Variants in SNX24 observed in about 807,000 individuals in gnomAD.
SNX24 encodes sorting nexin 24, also known as sorting nexin-24.
SNX24 carries 22 observed loss-of-function variants against 28.7 expected under a neutral mutation model. That is an observed-to-expected ratio of 0.77 (90% CI 0.55 to 1.10). The LOEUF (loss-of-function observed/expected upper bound fraction) is 1.10. Ranked by LOEUF, SNX24 falls within the 50% of genes least tolerant of loss-of-function variation. The pLI is 0.00. For synonymous variants in SNX24, 69 were observed against 71.5 expected (o/e 0.96, Z 0.18); for missense variants, 221 against 201.1 (o/e 1.10, Z -0.60).
chr5:122,955,163 CCTTAA>C (rs1207501527), intron 3 of SNX24, among the ~76,000 whole-genome samples: 2 of 151,838 alleles, frequency 1.3e-5, no homozygotes, highest in Admixed American at 6.6e-5. Flanking sequence ...ACTGTTGAAC[CCTTAA>C]CTTAAGGTTT....
At chr5:122,877,573 C>T (rs1449432730) in intron 1 of SNX24, among the ~76,000 whole-genome samples, 1 of 152,144 alleles carries the variant, frequency 6.6e-6, no homozygotes, top group East Asian at 1.9e-4. Flanking sequence ...AGTATCCTCT[C>T]TCTCATCTCT....
intron 3 of SNX24, among the ~76,000 whole-genome samples, chr5:122,960,509 A>C (rs1248625591): frequency 2.0e-5 from 3 of 152,180 alleles, no homozygotes; most frequent in African/African-American, 4.8e-5. Flanking sequence ...TAAAATTTCT[A>C]TTTTATGGCC....
intron 1 of SNX24, among the ~76,000 whole-genome samples, chr5:122,884,951 T>C (rs759199610): frequency 6.6e-6 from 1 of 152,214 alleles, no homozygotes; most frequent in Non-Finnish European, 1.5e-5. Flanking sequence ...TTGTACCAAA[T>C]TGGCACGTGT....
chr5:123,009,596 A>G (rs1298630163), downstream of SNX24, among the ~76,000 whole-genome samples: 1 of 152,248 alleles, frequency 6.6e-6, no homozygotes, highest in Admixed American at 6.5e-5. Context: ...ACACCTCACA[A>G]GAGTGGGAAA....
chr5:122,925,215 C>T (rs1463042962), intron 1 of SNX24, among the ~76,000 whole-genome samples: 1 of 89,462 alleles, frequency 1.1e-5, no homozygotes, highest in Non-Finnish European at 2.2e-5. Flanking sequence ...TATTTCCTTC[C>T]CCTCCCCCTT....
intron 1 of SNX24, among the ~76,000 whole-genome samples, chr5:122,897,305 CT>C (rs966718760): frequency 1.3e-5 from 2 of 151,886 alleles, no homozygotes; most frequent in African/African-American, 2.4e-5. Context: ...TATACCACTT[CT>C]TTTTTTTATT....
At chr5:122,912,013 A>T (rs1581737454) in intron 1 of SNX24, among the ~76,000 whole-genome samples, 4 of 123,638 alleles carry the variant, frequency 3.2e-5, no homozygotes, top group Admixed American at 1.8e-4. Context: ...GAAGAAAGTC[A>T]TTGGTAGCTT....
Position 122,933,731 on chromosome 5 carries a change from G to GTTGT in SNX24, c.61-2988_61-2985dup, listed in dbSNP as rs773540677. Among the ~76,000 whole-genome samples the GTTGT allele has an allele frequency of 2.6e-3, 392 of 151,856 alleles. 2 individuals carry two copies. The highest frequency in any genetic ancestry group is 8.8e-3 in the African/African-American group (365 of 41,392). ...ACCTTAAAGTGTGTGGGGTTTTTTT[G>GTTGT]TTGTTTGTTTGTTTGTTTTTCAATA... On this transcript the variant is annotated intron_variant, in intron 1 of 6. Coordinates refer to ENST00000261369, the MANE Select transcript of SNX24 (RefSeq NM_014035.4).
chr5:122,933,090 T>C (rs1268987556), intron 1 of SNX24, among the ~76,000 whole-genome samples: 1 of 152,192 alleles, frequency 6.6e-6, no homozygotes, highest in Non-Finnish European at 1.5e-5. Context: ...TGTTCTGGCA[T>C]GTGGTTAAGT....
rs1762469931 is a variant in SNX24, at chr5:123,007,830, A to G, written c.*81A>G. 8.3e-6 allele frequency: 13 copies of G among 1,558,758 alleles called. No individual in the cohort carries two copies. In the East Asian group the frequency reaches 3.0e-4, roughly 35 times the overall value. ...ATCAATACCTACCAATTTAACCTAA[A>G]CGCTATGATATATAACAGCTCTAGC... is the stretch of plus-strand genomic sequence containing the variant. On this transcript the variant is annotated 3_prime_UTR_variant, in exon 7 of 7. Coordinates refer to ENST00000261369, the MANE Select transcript of SNX24 (RefSeq NM_014035.4).
chr5:123,008,823 G>GT lies in SNX24; in HGVS notation c.*1075dup. ...AATGTGTTTATGATATAACTCCACT[G>GT]TACATCATCCTTTGAGTAGTAAAGG... is the stretch of plus-strand genomic sequence containing the variant. On this transcript the variant is annotated 3_prime_UTR_variant, in exon 7 of 7. Transcript: ENST00000261369. 1.0e-6 allele frequency: 1 copy of GT among 952,582 alleles called. No individual in the cohort carries two copies. The highest frequency in any genetic ancestry group is 1.3e-6 in the Non-Finnish European group (1 of 799,578). The allele number at this position is 952,582 out of a possible 1,614,324, so 59.0% of individuals were successfully genotyped here.
At chr5:122,853,753 GC>G (rs1207708757) in intron 1 of SNX24, 1 of 345,474 alleles carries the variant, frequency 2.9e-6, no homozygotes, top group Non-Finnish European at 5.9e-6. Flanking sequence ...CTCCCAAGAT[GC>G]TGGCATTACA....
chr5:122,862,170 G>T (rs1335243953), intron 1 of SNX24, among the ~76,000 whole-genome samples: 1 of 152,212 alleles, frequency 6.6e-6, no homozygotes, highest in African/African-American at 2.4e-5. Flanking sequence ...ACGTACTGGG[G>T]TTGGAGCTTA....
intron 1 of SNX24, among the ~76,000 whole-genome samples, chr5:122,867,750 G>A (rs978813474): frequency 6.6e-6 from 1 of 152,172 alleles, no homozygotes; most frequent in Non-Finnish European, 1.5e-5. Flanking sequence ...ACCCTTTGGT[G>A]GGCATTCACA....
chr5:123,000,683 T>A (rs571644152), intron 4 of SNX24, among the ~76,000 whole-genome samples: 1 of 152,318 alleles, frequency 6.6e-6, no homozygotes, highest in South Asian at 2.1e-4. Flanking sequence ...GAATTAACTC[T>A]GAAATAAGCC....
intron 3 of SNX24, among the ~76,000 whole-genome samples, chr5:122,957,547 T>C (rs543442438): frequency 2.0e-5 from 3 of 152,290 alleles, no homozygotes; most frequent in East Asian, 3.9e-4. Flanking sequence ...TTTATATTTC[T>C]GCAAAAATAA....
intron 1 of SNX24, among the ~76,000 whole-genome samples, chr5:122,851,584 G>C (rs1411471874): frequency 1.3e-5 from 2 of 152,110 alleles, no homozygotes; most frequent in African/African-American, 4.8e-5. Context: ...CTTGGGACCT[G>C]GATACTATCA....
At chr5:123,017,566 C>T (rs1762700987) in intron 5 of SNX24, among the ~76,000 whole-genome samples, 1 of 151,880 alleles carries the variant, frequency 6.6e-6, no homozygotes, top group South Asian at 2.1e-4. Context: ...TCTTTTTGGC[C>T]ATTTTGATAG....
At chr5:122,987,367 C>T (rs1053955206) in intron 3 of SNX24, among the ~76,000 whole-genome samples, 1 of 152,144 alleles carries the variant, frequency 6.6e-6, no homozygotes, top group Admixed American at 6.5e-5. Flanking sequence ...TGGGTTGGAC[C>T]AAGCAAACTG....
Sources: allele counts gnomAD v4.1 joint callset (sites outside exome capture counted in the v4.1 genomes callset), GRCh38; gene constraint gnomAD v4.1.1; transcripts MANE v1.5; gene names NCBI Gene and HGNC (gene_info 2026-07-23, HGNC 2026-07-21).